Variants in TAF11L12 observed in about 807,000 individuals in gnomAD.
TAF11L12 encodes TATA-box binding protein associated factor 11 like 12.
chr5:17,611,013 T>A (rs899681101), exon 1 of TAF11L12: 1 of 397,466 alleles, frequency 2.5e-6, no homozygotes, highest in Non-Finnish European at 4.4e-6. Flanking sequence ...GGCAAAGAGG[T>A]GCGTCTGCTG....
At chr5:17,612,102 T>A (rs922879682), downstream of TAF11L12, among the ~76,000 whole-genome samples, 2 of 151,558 alleles carry the variant, frequency 1.3e-5, no homozygotes, top group Admixed American at 1.3e-4. Flanking sequence ...AATAAAAATA[T>A]AATCACAAAG....
exon 1 of TAF11L12, chr5:17,611,012 G>A (rs1251929456): frequency 2.5e-6 from 1 of 397,802 alleles, no homozygotes; most frequent in Non-Finnish European, 4.4e-6. Context: ...AGGCAAAGAG[G>A]TGCGTCTGCT....
rs1739272810 is a variant in TAF11L12 at position 17,611,351 on chromosome 5, T to C, written c.362T>C (p.Ile121Thr). The stretch of plus-strand genomic sequence containing the variant: ...CGGTCAGCTTTCCCAAAAGCACGCA[T>C]TGCAGCTCTGATGCAGTCTATCACT... The change falls in exon 1 of 1, where the codon ATT (isoleucine) becomes ACT (threonine). Residue 121 changes from isoleucine (I) to threonine (T), a missense_variant. Ile to Thr is a moderately conservative substitution (Grantham distance 89). Transcript: ENST00000503184. The C allele has an allele frequency of 1.0e-5, 4 of 397,912 alleles. No homozygotes were observed. In the Admixed American group the frequency reaches 1.8e-4, roughly 18 times the overall value. 24.6% of individuals were successfully genotyped at this position (397,912 alleles called of 1,614,324 possible).
At chr5:17,611,820 C>G (rs530268638), downstream of TAF11L12, among the ~76,000 whole-genome samples, 2 of 151,316 alleles carry the variant, frequency 1.3e-5, no homozygotes, top group African/African-American at 4.9e-5. Context: ...TTTTCTCTGT[C>G]TTTCTAGTTG....
chr5:17,611,241 C>G (rs1343407983), exon 1 of TAF11L12: 3 of 398,196 alleles, frequency 7.5e-6, no homozygotes, highest in Non-Finnish European at 1.3e-5. Context: ...AGAGGAAGCC[C>G]ACCGTGGATG....
At chr5:17,611,823 T>C (rs1175452552), downstream of TAF11L12, among the ~76,000 whole-genome samples, 1 of 151,370 alleles carries the variant, frequency 6.6e-6, no homozygotes. Flanking sequence ...TCTCTGTCTT[T>C]CTAGTTGGAA....
Position 17,610,902 on chromosome 5 carries a change from G to C in TAF11L12, c.-88G>C. On this transcript the variant is annotated 5_prime_UTR_variant, in exon 1 of 1. Coordinates refer to ENST00000503184, the Ensembl canonical transcript of TAF11L12. Reference sequence around the variant, plus strand: ...ACACAGCAGCTCAACTCTTTGAAAGGTTCTCATTGCAGATCCATAATCGAA... The same window carrying C: ...ACACAGCAGCTCAACTCTTTGAAAGCTTCTCATTGCAGATCCATAATCGAA... 2.5e-6 allele frequency: 1 copy of C among 396,828 alleles called. No homozygotes were observed. Among genetic ancestry groups the C allele is most frequent in the East Asian group, 3.6e-5 (1 of 27,992 alleles). The allele number at this position is 396,828 out of a possible 1,614,324, so 24.6% of individuals were successfully genotyped here. A position where few individuals can be genotyped will look rare whatever the true frequency, so the allele number is the denominator to read the frequency against.
exon 1 of TAF11L12, chr5:17,610,579 A>G: frequency 5.9e-6 from 1 of 169,160 alleles, no homozygotes; most frequent in African/African-American, 2.4e-5. Flanking sequence ...GATTGAAGAC[A>G]GACCCTTCTC....
At position 17,610,908 on chromosome 5, in the gene TAF11L12, A is replaced by T. The variant is rs1739262787; in HGVS notation, c.-82A>T. On this transcript the variant is annotated 5_prime_UTR_variant, in exon 1 of 1. Coordinates refer to ENST00000503184, the Ensembl canonical transcript of TAF11L12. ...CAGCTCAACTCTTTGAAAGGTTCTCATTGCAGATCCATAATCGAACCACCC... is the reference window on the plus strand; with the variant it reads ...CAGCTCAACTCTTTGAAAGGTTCTCTTTGCAGATCCATAATCGAACCACCC... 2.5e-6 allele frequency: 1 copy of T among 396,944 alleles called. No individual in the cohort carries two copies. The highest frequency in any genetic ancestry group is 4.4e-6 in the Non-Finnish European group (1 of 225,180). The allele number at this position is 396,944 out of a possible 1,614,324, so 24.6% of individuals were successfully genotyped here.
chr5:17,611,350 A>G, exon 1 of TAF11L12: 2 of 397,964 alleles, frequency 5.0e-6, no homozygotes, highest in South Asian at 1.3e-4. Context: ...AAAAGCACGC[A>G]TTGCAGCTCT....
exon 1 of TAF11L12, chr5:17,611,578 T>G (rs1739277016): frequency 5.0e-6 from 2 of 397,936 alleles, no homozygotes; most frequent in African/African-American, 4.1e-5. Flanking sequence ...AAAAATCATG[T>G]TCTAAGCCCA....
exon 1 of TAF11L12, chr5:17,611,031 C>A (rs184755636): frequency 7.5e-6 from 3 of 397,734 alleles, no homozygotes; most frequent in Non-Finnish European, 1.3e-5. Context: ...CTGAGATGTT[C>A]GCCATGCCCC....
At chr5:17,611,999 T>C (rs1739285929), downstream of TAF11L12, among the ~76,000 whole-genome samples, 1 of 151,446 alleles carries the variant, frequency 6.6e-6, no homozygotes, top group African/African-American at 2.4e-5. Flanking sequence ...TCCAGAAATG[T>C]TTCCCAATTG....
exon 1 of TAF11L12, chr5:17,611,235 G>A (rs1272552843): frequency 5.0e-6 from 2 of 398,358 alleles, no homozygotes; most frequent in Non-Finnish European, 8.9e-6. Context: ...AGAAGGAGAG[G>A]AAGCCCACCG....
downstream of TAF11L12, among the ~76,000 whole-genome samples, chr5:17,611,751 A>G (rs1366908368): frequency 2.0e-5 from 3 of 151,584 alleles, no homozygotes; most frequent in Admixed American, 2.0e-4. Flanking sequence ...TGAAGACAGC[A>G]GATTGTTTCA....
exon 1 of TAF11L12, chr5:17,610,742 G>A: frequency 2.8e-6 from 1 of 351,624 alleles, no homozygotes. Flanking sequence ...ATTCTGCATT[G>A]ATCTAAAACT....
rs1003124306 is a variant in TAF11L12, at chr5:17,611,221, G to C, written c.232G>C (p.Gly78Arg). ...CAAAAGACAGAAAACAGATACCAAG[G>C]GGAAGAAGGAGAGGAAGCCCACCGT... is the stretch of plus-strand genomic sequence containing the variant. Residue 78 changes from glycine (G) to arginine (R), a missense_variant, in exon 1 of 1, where the codon GGG becomes CGG. By Grantham distance (125) the Gly-to-Arg change is moderately radical. Transcript: ENST00000503184. 2.0e-5 allele frequency: 8 copies of C among 398,168 alleles called. No individual in the cohort carries two copies. The Admixed American group carries it at 3.1e-4, about 15-fold the overall frequency. The allele number at this position is 398,168 out of a possible 1,614,324, so 24.7% of individuals were successfully genotyped here.
Position 17,610,829 on chromosome 5 carries a change from G to T in TAF11L12, c.-161G>T, listed in dbSNP as rs1460687283. ...AGTGTGTGTGTTTGCATGTGGGAAG[G>T]GGAGGCAGGGGGCTGTGTCCAGTTA... On this transcript the variant is annotated 5_prime_UTR_variant, in exon 1 of 1. Coordinates refer to ENST00000503184, the Ensembl canonical transcript of TAF11L12. 1.8e-5 allele frequency: 7 copies of T among 392,302 alleles called. No homozygotes were observed. In the East Asian group the frequency reaches 2.2e-4, roughly 12 times the overall value. The allele number at this position is 392,302 out of a possible 1,614,324, so 24.3% of individuals were successfully genotyped here.
At chr5:17,610,942 ACTT>A (rs1739263523) in exon 1 of TAF11L12, 1 of 397,464 alleles carries the variant, frequency 2.5e-6, no homozygotes, top group South Asian at 1.3e-4. Context: ...CCCAGCCAGA[ACTT>A]CTGCCTGTAC....
Sources: allele counts gnomAD v4.1 joint callset (sites outside exome capture counted in the v4.1 genomes callset), GRCh38; gene constraint gnomAD v4.1.1; transcripts MANE v1.5; gene names NCBI Gene and HGNC (gene_info 2026-07-23, HGNC 2026-07-21).